BAX: variants seen among roughly 807,000 people sequenced by gnomAD.
BAX encodes the protein BCL2 associated X, apoptosis regulator, also known as apoptosis regulator BAX.
BAX carries 21 observed loss-of-function variants against 26.8 expected under a neutral mutation model. The observed-to-expected ratio is 0.78, with a 90% CI of 0.56 to 1.13. The LOEUF (loss-of-function observed/expected upper bound fraction) is 1.13, where lower values mean the gene tolerates loss of function less well. Ranked by LOEUF, BAX falls within the 50% of genes most tolerant of loss-of-function variation. The probability of loss-of-function intolerance (pLI) is 0.00; values close to 1 mark genes in which losing one functional copy is unlikely to be tolerated. For synonymous variants in BAX, 110 were observed against 101.8 expected, an observed-to-expected ratio of 1.08 and a Z score of -0.49; for missense variants, 236 against 254.6, an observed-to-expected ratio of 0.93 and a Z score of 0.50.
intron 1 of BAX, 85 bp downstream of exon 1, chr19:48,955,047 C>T: frequency 1.6e-6 from 2 of 1,229,714 alleles, no homozygotes; most frequent in Non-Finnish European, 2.0e-6. Flanking sequence ...TGGGGCTGTG[C>T]GATCTCCAAG....
chr19:48,961,500 G>T (rs1408812089), intron 5 of BAX, 32 bp from the exon 6 acceptor site: 1 of 1,559,486 alleles, frequency 6.4e-7, no homozygotes. Flanking sequence ...CCCTGGCCGA[G>T]TCACTGAAGC....
In BAX at chr19:48,961,713, C is replaced by G; in HGVS notation, c.*77C>G. On this transcript the variant is annotated 3_prime_UTR_variant, in exon 6 of 6. Transcript: ENST00000345358. ...TCTGGGAGGGGTGGGGATTGGGGGA[C>G]GTGGGCATTTTTCTTACTTTTGTAA... 1 of 1,170,182 alleles carries G rather than the reference C, an allele frequency of 8.5e-7. No homozygotes were observed. Among genetic ancestry groups the G allele is most frequent in the Non-Finnish European group, 1.2e-6 (1 of 832,680 alleles). 72.5% of individuals were successfully genotyped at this position (1,170,182 alleles called of 1,614,324 possible).
chr19:48,958,510 C>G (rs545809827), intron 4 of BAX, among the ~76,000 whole-genome samples: 23 of 150,216 alleles, frequency 1.5e-4, no homozygotes, highest in South Asian at 1.3e-3. Context: ...CCCCACCACA[C>G]CAGCAAATGG....
Position 48,956,225 on chromosome 19 carries a change from C to T in BAX, c.261C>T (p.Ser87=). Residue 87 remains serine (S), a synonymous_variant, in exon 4 of 6, where the codon TCC becomes TCT. Coordinates refer to ENST00000345358, the MANE Select transcript of BAX (RefSeq NM_138761.4). ...TGATTGCCGCCGTGGACACAGACTCCCCCCGAGAGGTCTTTTTCCGAGTGG... is the reference window on the plus strand; with the variant it reads ...TGATTGCCGCCGTGGACACAGACTCTCCCCGAGAGGTCTTTTTCCGAGTGG... The part of the protein sequence containing the change: ...QRMIAAVDTD[S]PREVFFRVAA... 6.3e-7 allele frequency: 1 copy of T among 1,581,592 alleles called. No homozygotes were observed. The highest frequency in any genetic ancestry group is 1.1e-5 in the South Asian group (1 of 87,472).
intron 4 of BAX, 40 bp downstream of exon 4, chr19:48,956,373 C>T (rs780275950): frequency 2.0e-6 from 3 of 1,484,870 alleles, no homozygotes; most frequent in African/African-American, 2.9e-5. Context: ...GATGCTCCCC[C>T]TCAGATCTGT....
At chr19:48,960,957 A>ACCAC (rs1568608779) in intron 5 of BAX, 43 bp downstream of exon 5, 1 of 1,609,332 alleles carries the variant, frequency 6.2e-7, no homozygotes, top group South Asian at 1.1e-5. Flanking sequence ...CCGCGCCCTC[A>ACCAC]CCACCGCCCC....
intron 4 of BAX, chr19:48,960,227 T>C (rs976624799): frequency 4.5e-6 from 2 of 446,124 alleles, no homozygotes; most frequent in Admixed American, 4.8e-5. Flanking sequence ...GGATTCTTGC[T>C]CTATTGTCCA....
At chr19:48,957,103 C>G (rs116775627) in intron 4 of BAX, among the ~76,000 whole-genome samples, 1 of 150,262 alleles carries the variant, frequency 6.7e-6, no homozygotes, top group Non-Finnish European at 1.5e-5. Context: ...ACAGCAAGTG[C>G]AAAGGCCCTG....
At chr19:48,960,462 C>T in intron 4 of BAX, 1 of 334,084 alleles carries the variant, frequency 3.0e-6, no homozygotes, top group Non-Finnish European at 5.9e-6. Flanking sequence ...CTCCCGGGTT[C>T]AAGCAATTCT....
chr19:48,958,160 C>T (rs1391803826), intron 4 of BAX, among the ~76,000 whole-genome samples: 1 of 150,630 alleles, frequency 6.6e-6, no homozygotes, highest in Non-Finnish European at 1.5e-5. Flanking sequence ...GTGATCATAG[C>T]TCACTGCAGC....
At chr19:48,960,730 T>C in intron 4 of BAX, 80 bp from the exon 5 acceptor site, 1 of 1,246,298 alleles carries the variant, frequency 8.0e-7, no homozygotes, top group Non-Finnish European at 1.1e-6. Context: ...GGCAAAGAAT[T>C]GACAAAGGAG....
At chr19:48,956,616 C>CAG (rs2038142592) in intron 4 of BAX, among the ~76,000 whole-genome samples, 1 of 151,260 alleles carries the variant, frequency 6.6e-6, no homozygotes, top group Non-Finnish European at 1.5e-5. Context: ...GTAAAGTGGG[C>CAG]AGTGTGATTT....
chr19:48,955,653 C>T, intron 2 of BAX, 34 bp from the exon 3 acceptor site: 3 of 1,612,506 alleles, frequency 1.9e-6, no homozygotes, highest in Non-Finnish European at 2.5e-6. Flanking sequence ...ACACCCCGTT[C>T]TGATTCTGCA....
At chr19:48,957,745 C>T (rs182646854) in intron 4 of BAX, among the ~76,000 whole-genome samples, 552 of 152,256 alleles carry the variant, frequency 3.6e-3, no homozygotes, top group Non-Finnish European at 6.1e-3. Context: ...TTGAAAATAA[C>T]ATAAGTTGAA....
chr19:48,955,712 A>T lies in BAX; in HGVS notation c.112A>T (p.Met38Leu). 1 of 1,612,262 alleles carries T rather than the reference A, an allele frequency of 6.2e-7. No individual in the cohort carries two copies. Among genetic ancestry groups the T allele is most frequent in the South Asian group, 1.1e-5 (1 of 90,916 alleles). ...TTTCATCCAGGATCGAGCAGGGCGA[A>T]TGGGGGGGGAGGCACCCGAGCTGGC... ...QGFIQDRAGRMGGEAPELALD... is the reference protein window; with the variant it reads ...QGFIQDRAGRLGGEAPELALD... The change falls in exon 3 of 6, where the codon ATG (methionine) becomes TTG (leucine). Residue 38 changes from methionine (M) to leucine (L), a missense_variant. Transcript: ENST00000345358.
At chr19:48,961,191 C>A in intron 5 of BAX, 1 of 1,497,372 alleles carries the variant, frequency 6.7e-7, no homozygotes, top group Non-Finnish European at 8.9e-7. Flanking sequence ...CTCCCTGGAG[C>A]CTCCACTGCC....
intron 4 of BAX, among the ~76,000 whole-genome samples, chr19:48,957,948 T>G (rs1192111880): frequency 1.3e-5 from 2 of 151,502 alleles, no homozygotes; most frequent in African/African-American, 2.4e-5. Flanking sequence ...GTGGTGGGGG[T>G]GGTGGTGAAA....
intron 4 of BAX, among the ~76,000 whole-genome samples, chr19:48,958,093 G>A (rs200462001): frequency 2.5e-5 from 1 of 40,550 alleles, no homozygotes. Flanking sequence ...TGCGGGGGGG[G>A]CATTTTTTTT....
intron 4 of BAX, chr19:48,960,316 C>T: frequency 2.4e-6 from 1 of 408,706 alleles, no homozygotes; most frequent in Non-Finnish European, 4.9e-6. Context: ...GCCTCAGCAT[C>T]CCAAGGAGCT....
Sources: allele counts gnomAD v4.1 joint callset (sites outside exome capture counted in the v4.1 genomes callset), GRCh38; gene constraint gnomAD v4.1.1; transcripts MANE v1.5; gene names NCBI Gene and HGNC (gene_info 2026-07-23, HGNC 2026-07-21).